Variants in MGA observed in about 807,000 individuals in gnomAD.
The protein encoded by MGA is MAX gene-associated protein.
A neutral mutation model predicts 261.1 loss-of-function variants in MGA; 40 were observed. That is an observed-to-expected ratio of 0.15 (90% CI 0.12 to 0.20). The LOEUF is 0.20. Ranked by LOEUF, MGA falls within the 10% of genes least tolerant of loss-of-function variation. The pLI is 1.00. For synonymous variants in MGA, 1,302 were observed against 1,290.6 expected (o/e 1.01, Z -0.19); for missense variants, 3,397 against 3,630.5 (o/e 0.94, Z 1.65).
At chr15:41,662,707 C>A (rs2057484767) in intron 1 of MGA, among the ~76,000 whole-genome samples, 1 of 152,144 alleles carries the variant, frequency 6.6e-6, no homozygotes, top group Non-Finnish European at 1.5e-5. Flanking sequence ...CTTAAAATTT[C>A]TTGACCCAGT....
chr15:41,701,248 A>AT (rs767533229), intron 5 of MGA, among the ~76,000 whole-genome samples: 380 of 147,756 alleles, frequency 2.6e-3, no homozygotes, highest in Middle Eastern at 0.01. Flanking sequence ...TTCCACTTCC[A>AT]TTTTTTTTGT....
At chr15:41,742,499 A>G (rs2062175854) in intron 14 of MGA, 47 bp from the exon 15 acceptor site, 1 of 1,584,638 alleles carries the variant, frequency 6.3e-7, no homozygotes, top group Non-Finnish European at 8.6e-7. Flanking sequence ...CTAAGAGGAT[A>G]AAATATGAGA....
In MGA at chr15:41,749,659, G is replaced by C; in HGVS notation, c.6052G>C (p.Glu2018Gln). ...ACAAAACTCAGGAGCTGCTACCTCA[G>C]AAGAAACTCTGAATGATTCCTTGGA... Residue 2018 changes from glutamate to glutamine, a missense_variant, in exon 17 of 24, where the codon GAA becomes CAA. Around this residue, in one of 9 missense-constraint regions of MGA, gnomAD observed 1,410 missense variants for 1,386.4 expected, o/e 1.02. Transcript: ENST00000219905. 6.2e-7 allele frequency: 1 copy of C among 1,614,024 alleles called. No homozygotes were observed. Among genetic ancestry groups the C allele is most frequent in the Non-Finnish European group, 8.5e-7 (1 of 1,179,894 alleles).
At chr15:41,706,143 A>G (rs981562856) in intron 5 of MGA, among the ~76,000 whole-genome samples, 14 of 151,976 alleles carry the variant, frequency 9.2e-5, no homozygotes, top group African/African-American at 2.7e-4. Flanking sequence ...AGGCTGAGGC[A>G]GGAGAATCGT....
intron 1 of MGA, among the ~76,000 whole-genome samples, chr15:41,648,251 CA>C (rs796371205): frequency 3.9e-5 from 6 of 152,320 alleles, no homozygotes; most frequent in African/African-American, 1.4e-4. Flanking sequence ...ACTTTGGAGC[CA>C]GAGTGTCTGG....
Position 41,713,084 on chromosome 15 carries a change from G to T in MGA, c.3085-67G>T. The T allele has an allele frequency of 1.9e-6, 3 of 1,565,140 alleles. No homozygotes were observed. The South Asian group carries it at 3.6e-5, about 19-fold the overall frequency. On this transcript the variant is annotated intron_variant, in intron 8 of 23. Transcript: ENST00000219905. ...CAGAGAGTAATGCAGTCCAGTATAT[G>T]ACCATAAGTTGGTGGTGGTGTAGGG...
chr15:41,663,726 C>T (rs1221485976), intron 1 of MGA, among the ~76,000 whole-genome samples: 1 of 152,066 alleles, frequency 6.6e-6, no homozygotes, highest in African/African-American at 2.4e-5. Flanking sequence ...CCGCCTCAGC[C>T]CCTCAAAGTG....
At position 41,736,471 on chromosome 15, in the gene MGA, C is replaced by G; in HGVS notation, c.4207C>G (p.Gln1403Glu). The change falls in exon 13 of 24, where the codon CAA becomes GAA. Residue 1403 changes from glutamine to glutamate, a missense_variant. Transcript: ENST00000219905. ...TGTGAAAATCTCTATGCCATCATGTCAAGACCAAGATGATATGGCTGAGAA... is the reference window on the plus strand; with the variant it reads ...TGTGAAAATCTCTATGCCATCATGTGAAGACCAAGATGATATGGCTGAGAA... 1.2e-6 allele frequency: 2 copies of G among 1,614,012 alleles called. No individual in the cohort carries two copies. The highest frequency in any genetic ancestry group is 1.7e-6 in the Non-Finnish European group (2 of 1,179,894).
chr15:41,696,885 A>G lies in MGA; in HGVS notation c.1875A>G (p.Ala625=). ...CACGAAAATTGAAACTCTGTAAGGC[A>G]GGACGACCACCTAAGAACACAGGAA... The change falls in exon 3 of 24, where the codon GCA becomes GCG. Residue 625 remains alanine (A), a synonymous_variant. Coordinates refer to ENST00000219905, the MANE Select transcript of MGA (RefSeq NM_001164273.2). The G allele has an allele frequency of 1.3e-6, 2 of 1,598,448 alleles. No individual in the cohort carries two copies. The highest frequency in any genetic ancestry group is 1.7e-6 in the Non-Finnish European group (2 of 1,172,116).
chr15:41,727,465 T>G, intron 10 of MGA, 59 bp downstream of exon 10: 1 of 1,473,428 alleles, frequency 6.8e-7, no homozygotes, highest in Non-Finnish European at 9.3e-7. Context: ...AAAGATGGTG[T>G]GTTTCAAGCA....
In MGA at chr15:41,767,718, C is replaced by G. The variant is rs1297419868; in HGVS notation, c.*438C>G. On this transcript the variant is annotated 3_prime_UTR_variant, in exon 24 of 24. Coordinates refer to ENST00000219905, the MANE Select transcript of MGA (RefSeq NM_001164273.2). Reference sequence around the variant, plus strand: ...ATCTAAGGAATGCGATGGACTTGTGCAAAGGGATCCAGAAGAGACACTTTT... The same window carrying G: ...ATCTAAGGAATGCGATGGACTTGTGGAAAGGGATCCAGAAGAGACACTTTT... 5.9e-6 allele frequency: 1 copy of G among 168,654 alleles called. No individual in the cohort carries two copies. The highest frequency in any genetic ancestry group is 1.3e-5 in the Non-Finnish European group (1 of 77,068). The allele number at this position is 168,654 out of a possible 1,614,324, so 10.4% of individuals were successfully genotyped here.
At chr15:41,674,535 T>C (rs1196065321) in intron 2 of MGA, among the ~76,000 whole-genome samples, 2 of 152,030 alleles carry the variant, frequency 1.3e-5, no homozygotes, top group Non-Finnish European at 2.9e-5. Flanking sequence ...TTATTTTTTT[T>C]TTTAGACAGA....
chr15:41,716,441 G>A (rs892734941), intron 9 of MGA, among the ~76,000 whole-genome samples: 1 of 151,866 alleles, frequency 6.6e-6, no homozygotes, highest in Admixed American at 6.6e-5. Context: ...GCGACAAAGC[G>A]AGACTCCGTA....
chr15:41,719,126 TA>T (rs1207553661), intron 9 of MGA, among the ~76,000 whole-genome samples: 8 of 152,090 alleles, frequency 5.3e-5, no homozygotes, highest in Admixed American at 2.0e-4. Context: ...AAGTTGAGAT[TA>T]AAAAAATACC....
intron 15 of MGA, among the ~76,000 whole-genome samples, chr15:41,743,733 T>C (rs2062252855): frequency 6.6e-6 from 1 of 152,186 alleles, no homozygotes. Context: ...TCCTTTTGTG[T>C]AGTAAAAACC....
At chr15:41,711,751 A>G (rs1219217912) in intron 8 of MGA, among the ~76,000 whole-genome samples, 1 of 152,156 alleles carries the variant, frequency 6.6e-6, no homozygotes, top group East Asian at 1.9e-4. Context: ...GCTGGAGTGC[A>G]GTGGCAGGAT....
chr15:41,766,359 A>G lies in MGA; in HGVS notation c.8277A>G (p.Lys2759=), dbSNP rs781740810. 7.4e-6 allele frequency: 12 copies of G among 1,613,970 alleles called. No individual in the cohort carries two copies. In the South Asian group the frequency reaches 1.1e-4, roughly 15 times the overall value. The change falls in exon 24 of 24, where the codon AAA becomes AAG. Residue 2759 remains lysine (K), a synonymous_variant. Coordinates refer to ENST00000219905, the MANE Select transcript of MGA (RefSeq NM_001164273.2). The stretch of plus-strand genomic sequence containing the variant: ...TGAGAGGGATTCAGTATAAATGGAA[A>G]GAGAGTGAATCAAGAGGGGAGAGAG...
chr15:41,679,126 C>G (rs1050390854), intron 2 of MGA, among the ~76,000 whole-genome samples: 2 of 150,144 alleles, frequency 1.3e-5, no homozygotes, highest in Non-Finnish European at 3.0e-5. Flanking sequence ...ACCTCCGCCT[C>G]CTGTGTTTAA....
upstream of MGA, among the ~76,000 whole-genome samples, chr15:41,656,507 ATTTATTTTTATT>A (rs549033021): frequency 7.3e-5 from 11 of 150,946 alleles, 1 homozygote; most frequent in East Asian, 3.9e-4. Flanking sequence ...AGGCCCAGCT[ATTTATTTTTATT>A]TTTATTTTTA....
Sources: gnomAD v4.1 joint callset for allele counts (sites outside exome capture counted in the v4.1 genomes callset) on GRCh38, gnomAD v4.1.1 for gene constraint, gnomAD v4.1.1 regional missense constraint, MANE v1.5 for transcripts, NCBI Gene and HGNC (gene_info 2026-07-23, HGNC 2026-07-21) for gene names.